The following BAIAP3 variants were observed in gnomAD, a reference collection of about 807,000 sequenced individuals.
BAIAP3 encodes the protein BAI1 associated protein 3.
BAIAP3 carries 180 observed loss-of-function variants against 149.7 expected under a neutral mutation model. That is an observed-to-expected ratio of 1.20 (90% confidence interval 1.07 to 1.36). The LOEUF (loss-of-function observed/expected upper bound fraction) is 1.36, where lower values mean the gene tolerates loss of function less well. Ranked by LOEUF, BAIAP3 falls within the 40% of genes most tolerant of loss-of-function variation. The probability of loss-of-function intolerance (pLI) is 0.00; values close to 1 mark genes in which losing one functional copy is unlikely to be tolerated. For missense variants in BAIAP3, 1,767 were observed against 1,563.4 expected (o/e 1.13, Z -2.20); for synonymous variants, 845 against 670.7 (o/e 1.26, Z -4.02).
At chr16:1,345,664 AGCCTCCCCCACAACCCCC>A (rs1174714124) in intron 22 of BAIAP3, 65 bp from the exon 23 acceptor site, 7,820 of 156,482 alleles carry the variant, frequency 0.05, 208 homozygotes, top group Middle Eastern at 0.12. Context: ...CCGCAACCCC[AGCCTCCCCCACAACCCCC>A]GCCTCCCCCA....
rs1240323309 is a variant in BAIAP3 at position 1,348,955 on chromosome 16, AC to A, written c.*476del. On this transcript the variant is annotated 3_prime_UTR_variant, in exon 34 of 34. Coordinates refer to ENST00000426824, the MANE Select transcript of BAIAP3 (RefSeq NM_001199097.2). ...ACTGGGTGGATGGTCCAGAGCCTCC[AC>A]CCACAGAGGGGATGCAAAGGGCAGG... 1 of 256,684 alleles carries A rather than the reference AC, an allele frequency of 3.9e-6. No individual in the cohort carries two copies. The highest frequency in any genetic ancestry group is 2.3e-5 in the African/African-American group (1 of 44,436). 15.9% of individuals were successfully genotyped at this position (256,684 alleles called of 1,614,324 possible).
At position 1,347,720 on chromosome 16, in the gene BAIAP3, G is replaced by T; in HGVS notation, c.2924G>T (p.Arg975Leu). Residue 975 changes from arginine (R) to leucine (L), a missense_variant, in exon 31 of 34, where the codon CGG becomes CTG. Coordinates refer to ENST00000426824, the MANE Select transcript of BAIAP3 (RefSeq NM_001199097.2). ...KLKQRTLEQN[R>L]FGRLSVRCHY... ...CCGCAGAGGACCCTGGAGCAGAACC[G>T]GTTTGGACGCCTGAGCGTCCGTTGC... The T allele has an allele frequency of 6.2e-7, 1 of 1,610,488 alleles. No individual in the cohort carries two copies. Among genetic ancestry groups the T allele is most frequent in the Admixed American group, 1.7e-5 (1 of 59,948 alleles).
At position 1,347,002 on chromosome 16, in the gene BAIAP3, C is replaced by A. The variant is rs1290104144; in HGVS notation, c.2751+47C>A. The A allele has an allele frequency of 9.9e-6, 15 of 1,509,116 alleles. No individual in the cohort carries two copies. In the African/African-American group the frequency reaches 1.2e-4, roughly 12 times the overall value. The allele number at this position is 1,509,116 out of a possible 1,614,324, so 93.5% of individuals were successfully genotyped here. Reference sequence around the variant, plus strand: ...CTCCCCGCCGGCCCCCGCCTCAGGGCTGCTCTGATCCCTCCCTTTGTCCCC... The same window carrying A: ...CTCCCCGCCGGCCCCCGCCTCAGGGATGCTCTGATCCCTCCCTTTGTCCCC... On this transcript the variant is annotated intron_variant, in intron 28 of 33. Transcript: ENST00000426824.
chr16:1,334,693 G>A, intron 1 of BAIAP3: 3 of 1,554,920 alleles, frequency 1.9e-6, no homozygotes, highest in South Asian at 1.2e-5. Flanking sequence ...TTTGCAGCGG[G>A]CCCGCCAGGT....
chr16:1,339,703 C>A, intron 5 of BAIAP3, 100 bp downstream of exon 5: 2 of 948,144 alleles, frequency 2.1e-6, no homozygotes, highest in Non-Finnish European at 3.3e-6. Context: ...TATGCAGAAT[C>A]TCCCCGATCC....
chr16:1,343,164 G>A (rs1015079270), intron 14 of BAIAP3, 148 bp downstream of exon 14: 8 of 1,108,892 alleles, frequency 7.2e-6, no homozygotes, highest in Non-Finnish European at 1.0e-5. Flanking sequence ...GCGCTGATTG[G>A]GCGGGAAGGG....
Position 1,339,612 on chromosome 16 carries a change from A to C in BAIAP3, c.408+9A>C. 1 of 1,604,134 alleles carries C rather than the reference A, an allele frequency of 6.2e-7. No homozygotes were observed. Among genetic ancestry groups the C allele is most frequent in the Admixed American group, 1.7e-5 (1 of 59,308 alleles). On this transcript the variant is annotated intron_variant, in intron 5 of 33. Transcript: ENST00000426824. ...TCAGCTATCTCCAGCAGGTCAGCCC[A>C]CCCTGACCCCGACCCAGACCCTGAC...
Position 1,347,722 on chromosome 16 carries a change from T to C in BAIAP3, c.2926T>C (p.Phe976Leu), listed in dbSNP as rs765321429. The C allele has an allele frequency of 2.7e-4, 441 of 1,610,314 alleles. No individual in the cohort carries two copies. Among genetic ancestry groups the C allele is most frequent in the Admixed American group, 3.7e-4 (22 of 59,922 alleles). Residue 976 changes from phenylalanine (F) to leucine (L), a missense_variant, in exon 31 of 34, where the codon TTT (phenylalanine) becomes CTT (leucine). Phe to Leu is a conservative substitution (Grantham distance 22). Transcript: ENST00000426824. ...LKQRTLEQNR[F>L]GRLSVRCHYE... is the part of the protein sequence containing the mutation. ...GCAGAGGACCCTGGAGCAGAACCGG[T>C]TTGGACGCCTGAGCGTCCGTTGCCA...
At chr16:1,341,541 G>C in intron 8 of BAIAP3, 52 bp downstream of exon 8, 1 of 1,564,064 alleles carries the variant, frequency 6.4e-7, no homozygotes, top group Non-Finnish European at 8.7e-7. Context: ...CTGGGGTCCA[G>C]AGCTGGGCTG....
In BAIAP3 at chr16:1,349,422, A is replaced by G; in HGVS notation, c.*940A>G. On this transcript the variant is annotated 3_prime_UTR_variant, in exon 34 of 34. Transcript: ENST00000426824. ...TCTCGTCACCCAGCCTCAAAAATAT[A>G]TGTGTCTGCAACCCTCAGTCTCTCT... 2 of 1,613,522 alleles carry G rather than the reference A, an allele frequency of 1.2e-6. No individual in the cohort carries two copies. The highest frequency in any genetic ancestry group is 1.7e-6 in the Non-Finnish European group (2 of 1,179,860).
At chr16:1,334,541 C>T in intron 1 of BAIAP3, 1 of 879,294 alleles carries the variant, frequency 1.1e-6, no homozygotes, top group East Asian at 2.7e-5. Flanking sequence ...GCCTCGGGCT[C>T]CGGTCTCCTG....
rs1206146895 is a variant in BAIAP3, at chr16:1,349,081, T to A, written c.*599T>A. 1.2e-5 allele frequency: 4 copies of A among 333,108 alleles called. No individual in the cohort carries two copies. Among genetic ancestry groups the A allele is most frequent in the Non-Finnish European group, 2.3e-5 (4 of 176,808 alleles). 20.6% of individuals were successfully genotyped at this position (333,108 alleles called of 1,614,324 possible). ...TGAGGCCAGGGACGTCACCCAAGGCTGGTGGTCAGTGTGAAGGGCTCCGTG... is the reference window on the plus strand; with the variant it reads ...TGAGGCCAGGGACGTCACCCAAGGCAGGTGGTCAGTGTGAAGGGCTCCGTG... On this transcript the variant is annotated 3_prime_UTR_variant, in exon 34 of 34. Transcript: ENST00000426824.
chr16:1,339,488 A>T lies in BAIAP3; in HGVS notation c.301-8A>T. On this transcript the variant is annotated splice_polypyrimidine_tract_variant and splice_region_variant and intron_variant, in intron 4 of 33. Coordinates refer to ENST00000426824, the MANE Select transcript of BAIAP3 (RefSeq NM_001199097.2). ...GCGGCACTGTGGCCGCCCTTCCCCC[A>T]CCTGCAGGTGGAGATGCTCTACGAG... is the stretch of plus-strand genomic sequence containing the variant. 2 of 1,604,234 alleles carry T rather than the reference A, an allele frequency of 1.2e-6. No individual in the cohort carries two copies. The highest frequency in any genetic ancestry group is 1.7e-6 in the Non-Finnish European group (2 of 1,173,758).
Position 1,344,250 on chromosome 16 carries a change from TC to T in BAIAP3, c.1537del (p.Gln513AsnfsTer13). 1 of 1,613,698 alleles carries T rather than the reference TC, an allele frequency of 6.2e-7. No individual in the cohort carries two copies. The highest frequency in any genetic ancestry group is 8.5e-7 in the Non-Finnish European group (1 of 1,179,976). On this transcript the variant is annotated frameshift_variant, in exon 17 of 34. Transcript: ENST00000426824. LOFTEE classifies it high-confidence loss of function. ...LLKCLGKLQLFQPSFEICPFE... is the reference protein window; with the variant it reads ...LLKCLGKLQLXQPSFEICPFE... ...AGGTGTCTGGGCAAGCTGCAGCTCTTCCAACCCTCCTTTGAGATCTGCCCCT... is the reference window on the plus strand; with the variant it reads ...AGGTGTCTGGGCAAGCTGCAGCTCTTCAACCCTCCTTTGAGATCTGCCCCT...
intron 8 of BAIAP3, 29 bp from the exon 9 acceptor site, chr16:1,341,791 ACC>A: frequency 6.2e-7 from 1 of 1,605,834 alleles, no homozygotes; most frequent in Non-Finnish European, 8.5e-7. Flanking sequence ...CTCGCCGGGG[ACC>A]CTCATGGGCA....
intron 5 of BAIAP3, among the ~76,000 whole-genome samples, chr16:1,339,811 A>T (rs1236716262): frequency 6.9e-6 from 1 of 145,790 alleles, no homozygotes; most frequent in Non-Finnish European, 1.5e-5. Flanking sequence ...AGGTGCACAC[A>T]GACACACACA....
rs770716622 is a variant in BAIAP3 at position 1,342,050 on chromosome 16, A to G, written c.841A>G (p.Lys281Glu). 1.2e-6 allele frequency: 2 copies of G among 1,606,354 alleles called. No individual in the cohort carries two copies. The highest frequency in any genetic ancestry group is 2.7e-5 in the African/African-American group (2 of 74,864). The change falls in exon 10 of 34, where the codon AAG becomes GAG. Residue 281 changes from lysine (K) to glutamate (E), a missense_variant. Physicochemically the swap from Lys to Glu is moderately conservative, Grantham distance 56. Transcript: ENST00000426824. ...GAAGCTGAATGAAGTCATCGGCCTG[A>G]AGGGCATGGGCAGGTATGACTGCTG... is the stretch of plus-strand genomic sequence containing the variant. The part of the protein sequence containing the change: ...CRKLNEVIGL[K>E]GMGRYFKQIV...
intron 15 of BAIAP3, 103 bp downstream of exon 15, chr16:1,343,616 G>A: frequency 6.7e-7 from 1 of 1,489,374 alleles, no homozygotes; most frequent in East Asian, 2.4e-5. Context: ...GCCCGCGTGG[G>A]GGTCAAAGAC....
chr16:1,346,672 G>A lies in BAIAP3; in HGVS notation c.2630G>A (p.Gly877Glu). 4.0e-6 allele frequency: 3 copies of A among 747,130 alleles called. No homozygotes were observed. The highest frequency in any genetic ancestry group is 6.1e-6 in the Non-Finnish European group (3 of 489,018). 46.3% of individuals were successfully genotyped at this position (747,130 alleles called of 1,614,324 possible). ...LALLNASLVK[G>E]NLSRVLEALW... ...CTGCTGAACGCCTCGCTGGTGAAGG[G>A]GAACCTGAGCAGGTGCGGGCGGGTG... Residue 877 changes from glycine to glutamate, a missense_variant, in exon 27 of 34, where the codon GGG (glycine) becomes GAG (glutamate). Gly to Glu is a moderately conservative substitution (Grantham distance 98). Coordinates refer to ENST00000426824, the MANE Select transcript of BAIAP3 (RefSeq NM_001199097.2).
Sources: gnomAD v4.1 joint callset for allele counts (sites outside exome capture counted in the v4.1 genomes callset) on GRCh38, gnomAD v4.1.1 for gene constraint, MANE v1.5 for transcripts, NCBI Gene and HGNC (gene_info 2026-07-23, HGNC 2026-07-21) for gene names.